Variants in MASP2 observed in about 807,000 individuals in gnomAD.
The protein encoded by MASP2 is MBL associated serine protease 2, also known as mannan-binding lectin serine protease 2.
A neutral mutation model predicts 57.1 loss-of-function variants in MASP2; 49 were observed. The ratio of observed to expected loss-of-function variants is 0.86; its 90% CI spans 0.68 to 1.09. The LOEUF (loss-of-function observed/expected upper bound fraction) is 1.09. MASP2 is among the 50% of genes least tolerant of loss of function. The probability of loss-of-function intolerance (pLI) is 0.00; values close to 1 mark genes in which losing one functional copy is unlikely to be tolerated. For synonymous variants in MASP2, 379 were observed against 340.8 expected (o/e 1.11, Z -1.24); for missense variants, 900 against 874.8 (o/e 1.03, Z -0.36).
intron 4 of MASP2, among the ~76,000 whole-genome samples, chr1:11,044,294 G>A (rs912745711): frequency 1.3e-5 from 2 of 152,290 alleles, no homozygotes; most frequent in African/African-American, 4.8e-5. Flanking sequence ...CGGGCGGGGT[G>A]TTGGGCTGGG....
chr1:11,044,760 C>CT, intron 4 of MASP2: 2 of 1,492,298 alleles, frequency 1.3e-6, no homozygotes, highest in Non-Finnish European at 1.8e-6. Context: ...ACCCCGCCGC[C>CT]TCCCGACCCT....
chr1:11,026,715 T>C lies in MASP2; in HGVS notation c.*170A>G. On this transcript the variant is annotated 3_prime_UTR_variant, in exon 11 of 11. Transcript: ENST00000400897. Reference sequence around the variant, plus strand: ...TTGAGTCAATGGGTAAGGCTGGAATTAAACTGGCAAGTGGAGAAATGACAG... The same window carrying C: ...TTGAGTCAATGGGTAAGGCTGGAATCAAACTGGCAAGTGGAGAAATGACAG... 1 of 485,268 alleles carries C rather than the reference T, an allele frequency of 2.1e-6. No individual in the cohort carries two copies. The allele number at this position is 485,268 out of a possible 1,614,324, so 30.1% of individuals were successfully genotyped here.
At chr1:11,040,290 G>T (rs1638385558) in intron 6 of MASP2, among the ~76,000 whole-genome samples, 1 of 152,110 alleles carries the variant, frequency 6.6e-6, no homozygotes, top group African/African-American at 2.4e-5. Flanking sequence ...CCAACATGGT[G>T]AAACTCTGCC....
chr1:11,033,953 ACACACACACACACT>A (rs757403573), intron 8 of MASP2, among the ~76,000 whole-genome samples: 3,630 of 61,338 alleles, frequency 0.059, 146 homozygotes, highest in African/African-American at 0.2. Context: ...ACACACACAC[ACACACACACACACT>A]CTCTCTCTCT....
chr1:11,041,579 G>C (rs1311520124), intron 6 of MASP2, among the ~76,000 whole-genome samples: 1 of 136,078 alleles, frequency 7.3e-6, no homozygotes, highest in Non-Finnish European at 1.6e-5. Flanking sequence ...AGAATAAGTG[G>C]GTGGGTGGGT....
intron 8 of MASP2, among the ~76,000 whole-genome samples, chr1:11,032,026 CAA>C (rs1385781670): frequency 9.9e-5 from 15 of 152,220 alleles, no homozygotes; most frequent in Admixed American, 2.0e-4. Context: ...TCCCAGCACT[CAA>C]GAGAGGCCAG....
intron 9 of MASP2, 125 bp from the exon 10 acceptor site, chr1:11,030,375 C>T (rs938025749): frequency 4.5e-6 from 3 of 661,798 alleles, no homozygotes. Flanking sequence ...GTCTGAAGAA[C>T]CATTTTACAT....
intron 6 of MASP2, among the ~76,000 whole-genome samples, chr1:11,038,823 A>T (rs1400238622): frequency 2.6e-5 from 4 of 152,190 alleles, no homozygotes; most frequent in African/African-American, 9.7e-5. Context: ...AGGGCCTCAG[A>T]GGGCAGAGCC....
chr1:11,031,205 C>T (rs1316257734), intron 8 of MASP2, among the ~76,000 whole-genome samples: 2 of 151,780 alleles, frequency 1.3e-5, no homozygotes, highest in Admixed American at 6.6e-5. Flanking sequence ...ACCCAGAGCT[C>T]CTTAGCACCC....
intron 3 of MASP2, chr1:11,045,813 A>G: frequency 1.9e-6 from 1 of 520,556 alleles, no homozygotes. Context: ...GAGGGGAGTC[A>G]ATCAAACCCA....
chr1:11,044,285 G>A (rs141882773), intron 4 of MASP2, among the ~76,000 whole-genome samples: 15 of 152,256 alleles, frequency 9.9e-5, no homozygotes, highest in African/African-American at 2.9e-4. Flanking sequence ...CTGCTGCCAC[G>A]GGCGGGGTGT....
At chr1:11,036,230 C>T (rs529097738) in intron 7 of MASP2, among the ~76,000 whole-genome samples, 3 of 152,266 alleles carry the variant, frequency 2.0e-5, no homozygotes, top group Non-Finnish European at 4.4e-5. Context: ...AGTCGCCGGG[C>T]GCGGTGGCTC....
At chr1:11,039,865 A>AGGAT (rs754881060) in intron 6 of MASP2, among the ~76,000 whole-genome samples, 16,936 of 124,916 alleles carry the variant, frequency 0.14, 1,580 homozygotes, top group South Asian at 0.2. Flanking sequence ...GGTGGATAGA[A>AGGAT]GGATGGATGG....
At chr1:11,043,665 T>C in intron 4 of MASP2, 130 bp from the exon 5 acceptor site, 1 of 684,330 alleles carries the variant, frequency 1.5e-6, no homozygotes, top group Non-Finnish European at 2.4e-6. Context: ...CATCCCTGGG[T>C]TGGGCTGGGC....
At chr1:11,039,410 A>C (rs1361299622) in intron 6 of MASP2, among the ~76,000 whole-genome samples, 3 of 132,924 alleles carry the variant, frequency 2.3e-5, no homozygotes, top group African/African-American at 8.6e-5. Flanking sequence ...TGGTAGGCAG[A>C]AGGATGGGTG....
intron 4 of MASP2, among the ~76,000 whole-genome samples, chr1:11,044,526 T>G (rs1182873778): frequency 6.6e-6 from 1 of 152,164 alleles, no homozygotes; most frequent in Admixed American, 6.5e-5. Context: ...GTCTCCTCTG[T>G]GGGTCAGGCT....
chr1:11,044,767 CCCT>C, intron 4 of MASP2: 11 of 1,235,614 alleles, frequency 8.9e-6, no homozygotes, highest in Non-Finnish European at 1.2e-5. Context: ...CGCCTCCCGA[CCCT>C]CCCACCCCAG....
intron 7 of MASP2, among the ~76,000 whole-genome samples, chr1:11,035,940 T>C (rs1643883132): frequency 6.7e-6 from 1 of 149,030 alleles, no homozygotes; most frequent in Non-Finnish European, 1.5e-5. Context: ...GGTGACAAGT[T>C]TGAGAAAGCA....
Position 11,027,093 on chromosome 1 carries a change from CA to C in MASP2, c.1852del (p.Cys618ValfsTer4). On this transcript the variant is annotated frameshift_variant, in exon 11 of 11. Coordinates refer to ENST00000400897, the MANE Select transcript of MASP2 (RefSeq NM_006610.4). LOFTEE classifies it high-confidence loss of function. ...PRGSVTANML[C>X]AGLESGGKDS... is the part of the protein sequence containing the mutation. ...CTTGCCCCCACTTTCTAAGCCAGCACAAAGCATGTTAGCAGTTACACTTCCC... is the reference window on the plus strand; with the variant it reads ...CTTGCCCCCACTTTCTAAGCCAGCACAAGCATGTTAGCAGTTACACTTCCC... 1 of 1,603,558 alleles carries C rather than the reference CA, an allele frequency of 6.2e-7. No individual in the cohort carries two copies. Among genetic ancestry groups the C allele is most frequent in the Non-Finnish European group, 8.5e-7 (1 of 1,174,416 alleles).
Sources: allele counts gnomAD v4.1 joint callset (sites outside exome capture counted in the v4.1 genomes callset), GRCh38; gene constraint gnomAD v4.1.1; transcripts MANE v1.5; gene names NCBI Gene and HGNC (gene_info 2026-07-23, HGNC 2026-07-21).